The following ZNF512 variants were observed in gnomAD, a reference collection of about 807,000 sequenced individuals.
The protein encoded by ZNF512 is zinc finger protein 512.
Under a neutral mutation model 77.5 loss-of-function variants are expected in ZNF512, and 25 were observed. The ratio of observed to expected loss-of-function variants is 0.32; its 90% CI spans 0.23 to 0.45. ZNF512 has a LOEUF of 0.45. Among genes scored for constraint, ZNF512 ranks in the 20% least tolerant of loss-of-function variants. The pLI is 1.00. For missense variants in ZNF512, 483 were observed against 692.6 expected (o/e 0.70, Z 3.40); for synonymous variants, 246 against 239.9 (o/e 1.03, Z -0.24).
intron 12 of ZNF512, 50 bp downstream of exon 12, chr2:27,616,374 T>A (rs1383276209): frequency 1.4e-6 from 2 of 1,424,758 alleles, no homozygotes; most frequent in African/African-American, 2.8e-5. Flanking sequence ...TAAAATAGTC[T>A]GACATGGAAG....
chr2:27,586,329 A>G (rs1671326483), intron 2 of ZNF512, among the ~76,000 whole-genome samples: 1 of 152,076 alleles, frequency 6.6e-6, no homozygotes, highest in Non-Finnish European at 1.5e-5. Flanking sequence ...TCCTGGGTTC[A>G]AGCAATTCTC....
At position 27,616,259 on chromosome 2, in the gene ZNF512, C is replaced by T. The variant is rs1167972825; in HGVS notation, c.1234-3C>T. On this transcript the variant is annotated splice_polypyrimidine_tract_variant and splice_region_variant and intron_variant, in intron 11 of 13. Coordinates refer to ENST00000355467, the MANE Select transcript of ZNF512 (RefSeq NM_032434.4). ...TCTTCATACTATTTCTTCTCTTTTG[C>T]AGGGCTGTGAGGCTGTCTACAGCAG... 1 of 1,612,722 alleles carries T rather than the reference C, an allele frequency of 6.2e-7. No homozygotes were observed. The highest frequency in any genetic ancestry group is 1.7e-5 in the Admixed American group (1 of 59,948).
At chr2:27,604,261 C>G (rs771320894) in intron 9 of ZNF512, among the ~76,000 whole-genome samples, 1 of 152,140 alleles carries the variant, frequency 6.6e-6, no homozygotes, top group Admixed American at 6.5e-5. Flanking sequence ...AGGCATTCCC[C>G]CATAGCTAGA....
chr2:27,619,392 G>T (rs1673029085), intron 13 of ZNF512, among the ~76,000 whole-genome samples: 1 of 151,588 alleles, frequency 6.6e-6, no homozygotes. Flanking sequence ...AACAGAGCAA[G>T]ACTCTGTTAA....
At chr2:27,592,811 G>A (rs1344047987) in intron 2 of ZNF512, among the ~76,000 whole-genome samples, 1 of 150,048 alleles carries the variant, frequency 6.7e-6, no homozygotes, top group Non-Finnish European at 1.5e-5. Flanking sequence ...TCAGCCTACT[G>A]AGTAGCTGGG....
chr2:27,592,752 C>T (rs1387898716), intron 2 of ZNF512, among the ~76,000 whole-genome samples: 1 of 130,098 alleles, frequency 7.7e-6, no homozygotes, highest in African/African-American at 2.9e-5. Context: ...ATGGCGCGAT[C>T]TTGGCTCACC....
chr2:27,591,818 T>C (rs1671598615), intron 2 of ZNF512, among the ~76,000 whole-genome samples: 1 of 152,044 alleles, frequency 6.6e-6, no homozygotes, highest in Non-Finnish European at 1.5e-5. Context: ...GGATTACAAA[T>C]GTGAGCCATT....
In ZNF512 at chr2:27,600,688, T is replaced by C. The variant is rs1672080383; in HGVS notation, c.458-3T>C. ...ACAAAGTGTTTCTTTCTCTCCTTTG[T>C]AGGCAGTTTGGAGGAGCAATGGTAC... On this transcript the variant is annotated splice_region_variant and splice_polypyrimidine_tract_variant and intron_variant, in intron 5 of 13. Transcript: ENST00000355467. The C allele has an allele frequency of 6.2e-7, 1 of 1,612,840 alleles. No individual in the cohort carries two copies. The highest frequency in any genetic ancestry group is 1.7e-5 in the Admixed American group (1 of 59,744).
intron 9 of ZNF512, among the ~76,000 whole-genome samples, chr2:27,604,263 A>G (rs1339405077): frequency 6.6e-6 from 1 of 152,124 alleles, no homozygotes; most frequent in East Asian, 1.9e-4. Flanking sequence ...GCATTCCCCC[A>G]TAGCTAGAGC....
chr2:27,603,590 A>ATATATATT (rs1553352045), intron 9 of ZNF512, among the ~76,000 whole-genome samples: 2 of 85,676 alleles, frequency 2.3e-5, no homozygotes, highest in African/African-American at 9.6e-5. Context: ...GTGTGTGTAT[A>ATATATATT]TTTTTTTTTT....
intron 2 of ZNF512, among the ~76,000 whole-genome samples, chr2:27,593,129 G>A (rs1572908084): frequency 6.6e-6 from 1 of 151,620 alleles, no homozygotes; most frequent in African/African-American, 2.4e-5. Context: ...GGGAGGCTGA[G>A]GTAGGAAGAT....
At chr2:27,590,795 G>C (rs1279809483) in intron 2 of ZNF512, among the ~76,000 whole-genome samples, 1 of 151,988 alleles carries the variant, frequency 6.6e-6, no homozygotes, top group South Asian at 2.1e-4. Flanking sequence ...GATTACAGAG[G>C]TGTGAGCCAT....
chr2:27,610,544 G>GTATATATATATATATATATA (rs1247718248), intron 10 of ZNF512, among the ~76,000 whole-genome samples: 1 of 32,652 alleles, frequency 3.1e-5, no homozygotes, highest in African/African-American at 1.5e-4. Flanking sequence ...ATATGTGTGT[G>GTATATATATATATATATATA]TATATATATA....
intron 2 of ZNF512, among the ~76,000 whole-genome samples, chr2:27,593,030 A>G (rs1158302382): frequency 6.6e-6 from 1 of 150,582 alleles, no homozygotes; most frequent in Non-Finnish European, 1.5e-5. Context: ...TCACTCCCTC[A>G]TGTCTCCCCT....
chr2:27,612,317 G>T (rs1025596132), intron 10 of ZNF512, among the ~76,000 whole-genome samples: 6 of 151,886 alleles, frequency 4.0e-5, no homozygotes, highest in Admixed American at 1.3e-4. Flanking sequence ...CATTTTTCCT[G>T]CCCCAGCCCT....
At chr2:27,584,332 A>G (rs1327629643) in intron 2 of ZNF512, among the ~76,000 whole-genome samples, 3 of 152,378 alleles carry the variant, frequency 2.0e-5, no homozygotes, top group East Asian at 3.9e-4. Flanking sequence ...TTGTATTTTT[A>G]AACTACTTGT....
At chr2:27,615,954 A>G (rs902568223) in intron 11 of ZNF512, among the ~76,000 whole-genome samples, 1 of 152,216 alleles carries the variant, frequency 6.6e-6, no homozygotes, top group African/African-American at 2.4e-5. Context: ...TTTGCACTAA[A>G]TAAAGCAGAT....
At chr2:27,606,510 C>T (rs973850344) in intron 9 of ZNF512, among the ~76,000 whole-genome samples, 10 of 152,018 alleles carry the variant, frequency 6.6e-5, no homozygotes, top group East Asian at 5.8e-4. Context: ...TACAGGTGCC[C>T]GCCACCGTGC....
chr2:27,601,283 A>G (rs1156319463), intron 6 of ZNF512, 73 bp from the exon 7 acceptor site: 2 of 1,093,560 alleles, frequency 1.8e-6, no homozygotes, highest in Non-Finnish European at 2.7e-6. Context: ...AGATGAAAGC[A>G]TTTGAGTCGG....
Sources: allele counts gnomAD v4.1 joint callset (sites outside exome capture counted in the v4.1 genomes callset), GRCh38; gene constraint gnomAD v4.1.1; transcripts MANE v1.5; gene names NCBI Gene and HGNC (gene_info 2026-07-23, HGNC 2026-07-21).